RPS6KA6: variants seen among roughly 807,000 people sequenced by gnomAD.
RPS6KA6 encodes ribosomal protein S6 kinase A6, also known as ribosomal protein S6 kinase alpha-6.
In RPS6KA6, 27 loss-of-function variants were observed where a neutral mutation model predicts 65.4. That is an observed-to-expected ratio of 0.41 (90% confidence interval 0.30 to 0.57). RPS6KA6 has a LOEUF of 0.57. Ranked by LOEUF, RPS6KA6 falls within the 20% of genes least tolerant of loss-of-function variation. RPS6KA6 has a pLI of 0.24. For synonymous variants in RPS6KA6, 190 were observed against 184.2 expected (o/e 1.03, Z -0.26); for missense variants, 486 against 555.6 (o/e 0.87, Z 1.26).
chrX:84,075,870 T>C (rs1248560749), intron 20 of RPS6KA6, among the ~76,000 whole-genome samples: 9 of 111,583 alleles, frequency 8.1e-5, no homozygotes, highest in Non-Finnish European at 1.3e-4. Context: ...GAGAAGAAAA[T>C]TATAAATGTT....
intron 18 of RPS6KA6, among the ~76,000 whole-genome samples, chrX:84,101,272 C>T (rs2034254514): frequency 9.0e-6 from 1 of 110,839 alleles, no homozygotes; most frequent in Admixed American, 9.7e-5. Flanking sequence ...ATGGCCAATG[C>T]CATCTCTTGA....
At chrX:84,088,098 C>A (rs1406255437) in intron 20 of RPS6KA6, among the ~76,000 whole-genome samples, 2 of 111,976 alleles carry the variant, frequency 1.8e-5, no homozygotes, top group Non-Finnish European at 3.8e-5. Flanking sequence ...CATTGGGTTA[C>A]AACATGCTCC....
At chrX:84,115,995 T>C (rs2034557305) in intron 12 of RPS6KA6, among the ~76,000 whole-genome samples, 1 of 111,125 alleles carries the variant, frequency 9.0e-6, no homozygotes, top group African/African-American at 3.3e-5. Context: ...TACCTACTGG[T>C]CACTGTTTGG....
At chrX:84,157,324 G>C (rs2035433596) in intron 2 of RPS6KA6, among the ~76,000 whole-genome samples, 1 of 111,603 alleles carries the variant, frequency 9.0e-6, no homozygotes, top group South Asian at 3.7e-4. Flanking sequence ...AAGTATATCA[G>C]ATGTTTCTTA....
At chrX:84,181,621 C>T (rs1377858930) in intron 1 of RPS6KA6, among the ~76,000 whole-genome samples, 1 of 111,044 alleles carries the variant, frequency 9.0e-6, no homozygotes, top group East Asian at 2.8e-4. Context: ...TGGTTTTTAA[C>T]CCTGGCTGTG....
intron 12 of RPS6KA6, among the ~76,000 whole-genome samples, chrX:84,109,165 G>A (rs995586376): frequency 8.9e-6 from 1 of 112,274 alleles, no homozygotes; most frequent in African/African-American, 3.2e-5. Context: ...GGAAGTGCAG[G>A]TGGGCCAAGC....
intron 12 of RPS6KA6, among the ~76,000 whole-genome samples, chrX:84,108,166 A>T (rs958574610): frequency 3.6e-5 from 4 of 112,258 alleles, no homozygotes; most frequent in African/African-American, 9.7e-5. Flanking sequence ...GTCGTCTAAC[A>T]ATCTATCTTG....
At chrX:84,155,267 C>T (rs911115788) in intron 3 of RPS6KA6, among the ~76,000 whole-genome samples, 2 of 111,417 alleles carry the variant, frequency 1.8e-5, no homozygotes, top group African/African-American at 6.5e-5. Context: ...ATAACCTATG[C>T]TCAATTGCCT....
At position 84,149,555 on chromosome X, in the gene RPS6KA6, C is replaced by A. The variant is rs138833272; in HGVS notation, c.259-1432G>T. Among the ~76,000 whole-genome samples, 263 of 111,892 alleles carry A rather than the reference C, an allele frequency of 2.4e-3. 2 individuals carry two copies. The highest frequency in any genetic ancestry group is 9.2e-3 in the Middle Eastern group (2 of 217). ...TAGCAAGCATGAAAACAACATTAAT[C>A]TCCTTGTACATCTCTATCAGGGCTC... On this transcript the variant is annotated intron_variant, in intron 3 of 21. Transcript: ENST00000262752.
intron 12 of RPS6KA6, among the ~76,000 whole-genome samples, chrX:84,115,082 A>C (rs1602421050): frequency 8.9e-6 from 1 of 112,322 alleles, no homozygotes; most frequent in East Asian, 2.8e-4. Flanking sequence ...CCAAAAGCAA[A>C]TGCAACAAAA....
At chrX:84,158,117 G>A (rs2035447301) in intron 2 of RPS6KA6, among the ~76,000 whole-genome samples, 1 of 110,239 alleles carries the variant, frequency 9.1e-6, no homozygotes, top group African/African-American at 3.3e-5. Flanking sequence ...TATTCCTAAT[G>A]CTTAGCACAA....
At chrX:84,158,146 A>G (rs1003804547) in intron 2 of RPS6KA6, among the ~76,000 whole-genome samples, 2 of 110,587 alleles carry the variant, frequency 1.8e-5, no homozygotes, top group Non-Finnish European at 3.8e-5. Flanking sequence ...TGATCTCATG[A>G]GAGCAGAAAG....
intron 20 of RPS6KA6, among the ~76,000 whole-genome samples, chrX:84,091,584 C>G (rs187709043): frequency 9.1e-4 from 102 of 112,037 alleles, no homozygotes; most frequent in African/African-American, 3.1e-3. Context: ...TGCTTTTACA[C>G]TGTTGATGGG....
intron 18 of RPS6KA6, among the ~76,000 whole-genome samples, chrX:84,098,254 A>G (rs1020176972): frequency 9.0e-5 from 10 of 111,249 alleles, no homozygotes; most frequent in Admixed American, 3.8e-4. Flanking sequence ...TGTGTTTTTA[A>G]TATCTATGAT....
At chrX:84,069,911 C>G (rs1021053206) in intron 20 of RPS6KA6, among the ~76,000 whole-genome samples, 1 of 111,907 alleles carries the variant, frequency 8.9e-6, no homozygotes, top group African/African-American at 3.2e-5. Context: ...CAGGAAACAA[C>G]AGATGCTGGC....
chrX:84,170,645 C>CA (rs1387625449), intron 1 of RPS6KA6, among the ~76,000 whole-genome samples: 2 of 109,720 alleles, frequency 1.8e-5, no homozygotes, highest in Admixed American at 9.7e-5. Context: ...CAAAAAAAAA[C>CA]AAAAAACAAA....
chrX:84,129,995 T>C (rs1304481099), intron 8 of RPS6KA6, among the ~76,000 whole-genome samples: 1 of 111,357 alleles, frequency 9.0e-6, no homozygotes, highest in African/African-American at 3.3e-5. Context: ...TAAATGCATA[T>C]GATTGGATTG....
Position 84,102,136 on chromosome X carries a change from A to G in RPS6KA6, c.1677T>C (p.Asp559=), listed in dbSNP as rs375233052. The G allele has an allele frequency of 1.7e-6, 2 of 1,189,925 alleles. No individual in the cohort carries two copies. The highest frequency in any genetic ancestry group is 1.1e-6 in the Non-Finnish European group (1 of 881,019). ...ILYMDESASA[D]SIRICDFGFA... is the part of the protein sequence containing the mutation. ...ACCCAAAATCACATATCCTGATTGA[A>G]TCTGCACTGGCTGATTCATCCATGT... The change falls in exon 18 of 22, where the codon GAT becomes GAC. Residue 559 remains aspartate (D), a synonymous_variant. Coordinates refer to ENST00000262752, the MANE Select transcript of RPS6KA6 (RefSeq NM_014496.5).
At chrX:84,161,868 G>T (rs62614184) in intron 2 of RPS6KA6, among the ~76,000 whole-genome samples, 1,569 of 111,629 alleles carry the variant, frequency 0.014, 13 homozygotes, top group Non-Finnish European at 0.02. Context: ...AATCAACAAA[G>T]AATCTAATTG....
Sources: gnomAD v4.1 joint callset for allele counts (sites outside exome capture counted in the v4.1 genomes callset) on GRCh38, gnomAD v4.1.1 for gene constraint, MANE v1.5 for transcripts, NCBI Gene and HGNC (gene_info 2026-07-23, HGNC 2026-07-21) for gene names.